SEC24A: variants seen among roughly 807,000 people sequenced by gnomAD.
SEC24A encodes protein transport protein Sec24A.
Under a neutral mutation model 129.4 loss-of-function variants are expected in SEC24A, and 93 were observed. The observed-to-expected ratio is 0.72, with a 90% CI of 0.61 to 0.85. The LOEUF (loss-of-function observed/expected upper bound fraction) is 0.85, where lower values mean the gene tolerates loss of function less well. Ranked by LOEUF, SEC24A falls within the 40% of genes least tolerant of loss-of-function variation. The pLI is 0.00. For missense variants in SEC24A, 1,264 were observed against 1,307.4 expected (o/e 0.97, Z 0.51); for synonymous variants, 460 against 467.3 (o/e 0.98, Z 0.20).
intron 9 of SEC24A, among the ~76,000 whole-genome samples, chr5:134,684,326 A>G (rs888940524): frequency 2.0e-5 from 3 of 150,566 alleles, no homozygotes; most frequent in Non-Finnish European, 4.4e-5. Context: ...AAAAATTAAT[A>G]TATTTTTGTG....
Position 134,682,039 on chromosome 5 carries a change from C to T in SEC24A, c.1382-334C>T, listed in dbSNP as rs182970782. On this transcript the variant is annotated intron_variant, in intron 8 of 22. Coordinates refer to ENST00000398844, the MANE Select transcript of SEC24A (RefSeq NM_021982.3). ...GGCGGATCACCTGAGGTTGGGAGTTCGAGACCAGCCTGACCAACATGGAGA... is the reference window on the plus strand; with the variant it reads ...GGCGGATCACCTGAGGTTGGGAGTTTGAGACCAGCCTGACCAACATGGAGA... 1.1e-3 allele frequency among the ~76,000 whole-genome samples: 161 copies of T among 152,072 alleles called. 1 individual carries two copies. In the East Asian group the frequency reaches 0.027, roughly 25 times the overall value.
intron 9 of SEC24A, among the ~76,000 whole-genome samples, chr5:134,685,025 A>G (rs1284834461): frequency 3.3e-5 from 5 of 152,208 alleles, no homozygotes; most frequent in African/African-American, 1.2e-4. Context: ...TGAGTTCTGC[A>G]TCCGTGGATT....
intron 1 of SEC24A, among the ~76,000 whole-genome samples, chr5:134,649,850 AT>A: frequency 6.6e-6 from 1 of 152,328 alleles, no homozygotes. Flanking sequence ...AGAATGTCTT[AT>A]AATTTTATAC....
chr5:134,712,296 GC>G (rs1752350770), intron 18 of SEC24A, among the ~76,000 whole-genome samples: 1 of 151,766 alleles, frequency 6.6e-6, no homozygotes, highest in Admixed American at 6.6e-5. Context: ...TGTCATCCGG[GC>G]TGGAGTGTAG....
intron 2 of SEC24A, 28 bp from the exon 3 acceptor site, chr5:134,666,795 G>A (rs1214078136): frequency 1.9e-6 from 3 of 1,608,524 alleles, no homozygotes; most frequent in Non-Finnish European, 2.6e-6. Context: ...GTTCTCAAGT[G>A]ACGTGTGAAA....
intron 18 of SEC24A, among the ~76,000 whole-genome samples, chr5:134,709,457 A>G (rs900558491): frequency 6.6e-6 from 1 of 152,226 alleles, no homozygotes; most frequent in Non-Finnish European, 1.5e-5. Flanking sequence ...ATTATAAAAA[A>G]TTCAACTGAT....
intron 19 of SEC24A, among the ~76,000 whole-genome samples, chr5:134,716,842 A>G (rs1173167326): frequency 6.6e-6 from 1 of 151,206 alleles, no homozygotes; most frequent in Non-Finnish European, 1.5e-5. Flanking sequence ...TTACATATGT[A>G]AAAGAAAATT....
chr5:134,698,632 T>TG (rs1399286478), intron 15 of SEC24A, among the ~76,000 whole-genome samples: 1 of 141,384 alleles, frequency 7.1e-6, no homozygotes, highest in African/African-American at 2.6e-5. Context: ...AGAGTCTTGT[T>TG]TTTTTTTTTT....
At chr5:134,723,803 T>C in intron 22 of SEC24A, 133 bp downstream of exon 22, 1 of 593,516 alleles carries the variant, frequency 1.7e-6, no homozygotes, top group Non-Finnish European at 3.0e-6. Flanking sequence ...TCATACCTTA[T>C]ATCCAATGAT....
intron 11 of SEC24A, 72 bp downstream of exon 11, chr5:134,688,371 A>G (rs1580713398): frequency 3.3e-6 from 3 of 914,636 alleles, no homozygotes; most frequent in East Asian, 4.9e-5. Flanking sequence ...GACAAATTGG[A>G]TGTGTGTTGT....
chr5:134,699,781 C>A (rs917211869), intron 15 of SEC24A, among the ~76,000 whole-genome samples: 1 of 149,148 alleles, frequency 6.7e-6, no homozygotes, highest in Non-Finnish European at 1.5e-5. Flanking sequence ...CTCACTGCAA[C>A]CTCCATCTCC....
chr5:134,704,841 G>A (rs945759084), intron 16 of SEC24A, among the ~76,000 whole-genome samples: 4 of 149,940 alleles, frequency 2.7e-5, no homozygotes, highest in African/African-American at 9.8e-5. Context: ...TAATATTTAT[G>A]TACTTATTTA....
Position 134,664,547 on chromosome 5 carries a change from G to A in SEC24A, c.566-2276G>A, listed in dbSNP as rs552513175. Among the ~76,000 whole-genome samples the A allele has an allele frequency of 3.9e-5, 6 of 152,088 alleles. No individual in the cohort carries two copies. In the East Asian group the frequency reaches 5.8e-4, roughly 15 times the overall value. ...AATCTCTGTAAGTTTACTTTTATTC[G>A]TTAAACATTAGGTTGTAGGTTACAT... On this transcript the variant is annotated intron_variant, in intron 2 of 22. Coordinates refer to ENST00000398844, the MANE Select transcript of SEC24A (RefSeq NM_021982.3).
chr5:134,708,635 TATCTC>T, intron 17 of SEC24A, 73 bp from the exon 18 acceptor site: 4 of 1,289,974 alleles, frequency 3.1e-6, no homozygotes, highest in Admixed American at 2.4e-5. Flanking sequence ...TTTTAAAAAT[TATCTC>T]TTCTATCCTT....
chr5:134,722,419 G>T (rs940896538), intron 21 of SEC24A, among the ~76,000 whole-genome samples: 18 of 151,774 alleles, frequency 1.2e-4, no homozygotes, highest in African/African-American at 4.4e-4. Context: ...TACAAAATTA[G>T]CCGGGTGTGG....
intron 9 of SEC24A, 63 bp from the exon 10 acceptor site, chr5:134,686,727 C>T (rs2150091693): frequency 5.5e-6 from 5 of 905,018 alleles, no homozygotes; most frequent in Non-Finnish European, 6.9e-6. Flanking sequence ...TGTATGTGTA[C>T]CCAGCAAATA....
At position 134,725,239 on chromosome 5, in the gene SEC24A, C is replaced by T. The variant is rs1404000940; in HGVS notation, c.*145C>T. On this transcript the variant is annotated 3_prime_UTR_variant, in exon 23 of 23. Transcript: ENST00000398844. ...TCACTGTGATTTCAACAACCTATAG[C>T]AAATAAAAGACCACAGCAGAGAATC... The T allele has an allele frequency of 1.8e-6, 1 of 557,428 alleles. No homozygotes were observed. The highest frequency in any genetic ancestry group is 3.2e-6 in the Non-Finnish European group (1 of 317,114). The allele number at this position is 557,428 out of a possible 1,614,324, so 34.5% of individuals were successfully genotyped here. A position where few individuals can be genotyped will look rare whatever the true frequency, so the allele number is the denominator to read the frequency against.
chr5:134,669,595 C>T (rs1186584790), intron 3 of SEC24A, among the ~76,000 whole-genome samples: 1 of 152,042 alleles, frequency 6.6e-6, no homozygotes, highest in African/African-American at 2.4e-5. Context: ...CCTGCCTCAG[C>T]CTCCCGAGTA....
chr5:134,683,602 T>C (rs1211662798), intron 9 of SEC24A, among the ~76,000 whole-genome samples: 2 of 151,614 alleles, frequency 1.3e-5, no homozygotes, highest in Non-Finnish European at 2.9e-5. Context: ...TAGCCTCAAC[T>C]TCATGGGCTC....
Sources: allele counts gnomAD v4.1 joint callset (sites outside exome capture counted in the v4.1 genomes callset), GRCh38; gene constraint gnomAD v4.1.1; transcripts MANE v1.5; gene names NCBI Gene and HGNC (gene_info 2026-07-23, HGNC 2026-07-21).